Variants in M1AP observed in about 807,000 individuals in gnomAD.
The protein encoded by M1AP is meiosis 1 associated protein, also known as meiosis 1 arrest protein.
In M1AP, 39 loss-of-function variants were observed where a neutral mutation model predicts 51.2. That is an observed-to-expected ratio of 0.76 (90% CI 0.59 to 1.00). The LOEUF (loss-of-function observed/expected upper bound fraction) is 1.00, where lower values mean the gene tolerates loss of function less well. M1AP is among the 50% of genes least tolerant of loss of function. M1AP has a pLI of 0.00. For synonymous variants in M1AP, 251 were observed against 249.2 expected (o/e 1.01, Z -0.07); for missense variants, 545 against 641.2 (o/e 0.85, Z 1.62).
intron 1 of M1AP, chr2:74,648,013 G>C (rs1329720241): frequency 3.0e-6 from 3 of 985,424 alleles, no homozygotes; most frequent in Admixed American, 6.1e-5. Context: ...GGGCCTGGGG[G>C]CCCCGCGGAG....
chr2:74,561,260 A>G (rs1677987876), intron 8 of M1AP, among the ~76,000 whole-genome samples: 1 of 134,976 alleles, frequency 7.4e-6, no homozygotes. Flanking sequence ...GAGGAGGAGG[A>G]GAAGAAGAAA....
At position 74,607,108 on chromosome 2, in the gene M1AP, C is replaced by G. The variant is rs752287608; in HGVS notation, c.542G>C (p.Gly181Ala). ...RRFQVVEVTK[G>A]ILEHVDSASP... The stretch of plus-strand genomic sequence containing the variant: ...CGCTGAGTCCACGTGCTCTAGGATT[C>G]CCTTTGTGACCTCAACGACCTGAAA... Residue 181 changes from glycine to alanine, a missense_variant, in exon 4 of 11, where the codon GGA (glycine) becomes GCA (alanine). Gly to Ala is a moderately conservative substitution (Grantham distance 60, BLOSUM62 0). Transcript: ENST00000421985. The G allele has an allele frequency of 1.2e-6, 2 of 1,614,148 alleles. No homozygotes were observed. The highest frequency in any genetic ancestry group is 2.2e-5 in the South Asian group (2 of 91,076).
At chr2:74,598,614 A>G (rs1680488920) in intron 4 of M1AP, among the ~76,000 whole-genome samples, 1 of 143,484 alleles carries the variant, frequency 7.0e-6, no homozygotes, top group African/African-American at 2.7e-5. Flanking sequence ...TTTATTCTGT[A>G]TATCAACTTT....
At chr2:74,574,615 G>T (rs9309486) in intron 7 of M1AP, among the ~76,000 whole-genome samples, 13,039 of 152,232 alleles carry the variant, frequency 0.086, 1,581 homozygotes, top group African/African-American at 0.27. Context: ...TTTAAAAACT[G>T]AAATAGATAA....
chr2:74,632,977 C>T (rs1682785084), intron 2 of M1AP, among the ~76,000 whole-genome samples: 1 of 152,082 alleles, frequency 6.6e-6, no homozygotes, highest in Non-Finnish European at 1.5e-5. Flanking sequence ...TCCTAAGAAA[C>T]CTCTTATACT....
chr2:74,602,338 T>C lies in M1AP; in HGVS notation c.595+4717A>G, dbSNP rs867049949. On this transcript the variant is annotated intron_variant, in intron 4 of 10. Coordinates refer to ENST00000421985, the MANE Select transcript of M1AP (RefSeq NM_001321739.2). ...AGTCTTAGTTCCAGGTAACTGACAG[T>C]TCACTTGAGACCTGGCCATTAAAAA... Among the ~76,000 whole-genome samples the C allele has an allele frequency of 6.6e-4, 101 of 152,312 alleles. 2 individuals carry two copies. Among genetic ancestry groups the C allele is most frequent in the African/African-American group, 2.4e-3 (99 of 41,564 alleles).
At chr2:74,614,888 T>G in intron 3 of M1AP, 76 bp downstream of exon 3, 1 of 1,323,770 alleles carries the variant, frequency 7.6e-7, no homozygotes, top group Non-Finnish European at 1.1e-6. Flanking sequence ...TAGAACAATG[T>G]AAAGATGATA....
chr2:74,628,492 C>T, intron 2 of M1AP: 1 of 450,658 alleles, frequency 2.2e-6, no homozygotes. Context: ...AACCAGTTTA[C>T]TCTGAAGGAG....
At chr2:74,626,523 T>G (rs13384594) in intron 2 of M1AP, among the ~76,000 whole-genome samples, 3,111 of 152,294 alleles carry the variant, frequency 0.02, 115 homozygotes, top group African/African-American at 0.071. Context: ...CCTCCCAAAG[T>G]GCTAGGATTA....
rs1305336411 is a variant in M1AP, at chr2:74,640,233, T to C, written c.43A>G (p.Thr15Ala). Residue 15 changes from threonine (T) to alanine (A), a missense_variant, in exon 2 of 11, where the codon ACT (threonine) becomes GCT (alanine). Transcript: ENST00000421985. ...RTTGKGPSTH[T>A]QIDQQPPRLL... is the part of the protein sequence containing the mutation. ...CGTGGAGGTTGCTGGTCAATCTGAG[T>C]GTGAGTAGAGGGCCCTTTACCAGTA... 1 of 1,613,902 alleles carries C rather than the reference T, an allele frequency of 6.2e-7. No homozygotes were observed. The highest frequency in any genetic ancestry group is 2.2e-5 in the East Asian group (1 of 44,866).
chr2:74,570,386 A>T (rs1167865875), intron 7 of M1AP, among the ~76,000 whole-genome samples: 1 of 152,228 alleles, frequency 6.6e-6, no homozygotes, highest in East Asian at 1.9e-4. Flanking sequence ...AAATTTGACC[A>T]AAGCCTAGGA....
At chr2:74,630,904 C>G (rs896670232) in intron 2 of M1AP, among the ~76,000 whole-genome samples, 1 of 152,170 alleles carries the variant, frequency 6.6e-6, no homozygotes, top group African/African-American at 2.4e-5. Context: ...CTTGATCACT[C>G]CGTACTCTAC....
intron 1 of M1AP, chr2:74,647,404 C>T: frequency 1.0e-6 from 1 of 985,358 alleles, no homozygotes; most frequent in South Asian, 4.7e-5. Context: ...AATGGTTCTC[C>T]CTCTGGCAGG....
At chr2:74,589,678 TC>T in intron 4 of M1AP, among the ~76,000 whole-genome samples, 1 of 152,270 alleles carries the variant, frequency 6.6e-6, no homozygotes, top group Middle Eastern at 3.4e-3. Flanking sequence ...TGAGCAGAGC[TC>T]AAGCAGAGAT....
chr2:74,582,374 G>A (rs1012232694), intron 4 of M1AP, among the ~76,000 whole-genome samples: 2 of 152,240 alleles, frequency 1.3e-5, no homozygotes, highest in Admixed American at 6.5e-5. Context: ...AACCCCAAAC[G>A]GGAAGCAGTT....
At chr2:74,622,826 C>T (rs13407946) in intron 2 of M1AP, among the ~76,000 whole-genome samples, 12,202 of 150,530 alleles carry the variant, frequency 0.081, 1,395 homozygotes, top group African/African-American at 0.26. Context: ...AAAATATGCA[C>T]GATGAGAGGG....
At chr2:74,640,401 G>A in intron 1 of M1AP, 74 bp from the exon 2 acceptor site, 1 of 1,269,918 alleles carries the variant, frequency 7.9e-7, no homozygotes, top group Non-Finnish European at 1.1e-6. Context: ...TAAAATACAA[G>A]TCGAGGGAAA....
intron 7 of M1AP, 156 bp downstream of exon 7, chr2:74,575,282 G>A: frequency 6.9e-7 from 1 of 1,440,846 alleles, no homozygotes; most frequent in Non-Finnish European, 9.1e-7. Context: ...CAAAAGGCAA[G>A]TCATATTTAC....
intron 1 of M1AP, among the ~76,000 whole-genome samples, chr2:74,642,473 G>A (rs935202639): frequency 6.6e-6 from 1 of 152,174 alleles, no homozygotes. Context: ...ATAGATGATA[G>A]GAATAATCTG....
Sources: gnomAD v4.1 joint callset for allele counts (sites outside exome capture counted in the v4.1 genomes callset) on GRCh38, gnomAD v4.1.1 for gene constraint, MANE v1.5 for transcripts, NCBI Gene and HGNC (gene_info 2026-07-23, HGNC 2026-07-21) for gene names.